GAS7: variants seen among roughly 807,000 people sequenced by gnomAD.
GAS7 encodes the protein growth arrest-specific protein 7.
A neutral mutation model predicts 71.1 loss-of-function variants in GAS7; 28 were observed. The ratio of observed to expected loss-of-function variants is 0.39; its 90% confidence interval spans 0.29 to 0.54. The LOEUF is 0.54. Ranked by LOEUF, GAS7 falls within the 20% of genes least tolerant of loss-of-function variation. GAS7 has a pLI of 0.62. For missense variants in GAS7, 436 were observed against 627.8 expected (o/e 0.69, Z 3.27); for synonymous variants, 258 against 245.8 (o/e 1.05, Z -0.46).
At chr17:9,992,606 AATTT>A (rs1406226319) in intron 2 of GAS7, among the ~76,000 whole-genome samples, 12 of 149,746 alleles carry the variant, frequency 8.0e-5, no homozygotes, top group African/African-American at 2.7e-4. Context: ...TTAATTAATT[AATTT>A]ATTATTATTA....
chr17:9,965,811 G>A (rs2069684006), intron 4 of GAS7, among the ~76,000 whole-genome samples: 1 of 152,130 alleles, frequency 6.6e-6, no homozygotes, highest in Non-Finnish European at 1.5e-5. Flanking sequence ...GGTGGCACCA[G>A]ATCACCACCT....
At chr17:10,196,438 G>A (rs529565802) in intron 1 of GAS7, among the ~76,000 whole-genome samples, 1 of 152,200 alleles carries the variant, frequency 6.6e-6, no homozygotes, top group South Asian at 2.1e-4. Context: ...TCTGTTGCAA[G>A]TTACTAGTCA....
At chr17:10,153,264 G>A (rs2074181108) in intron 1 of GAS7, among the ~76,000 whole-genome samples, 2 of 151,902 alleles carry the variant, frequency 1.3e-5, no homozygotes, top group South Asian at 2.1e-4. Flanking sequence ...CACTTTGGGA[G>A]CCCGAGGTAG....
intron 1 of GAS7, among the ~76,000 whole-genome samples, chr17:10,166,097 A>G (rs1597830718): frequency 6.6e-6 from 1 of 150,384 alleles, no homozygotes; most frequent in African/African-American, 2.5e-5. Context: ...ATCCTAGCTC[A>G]CTGCAGCCTC....
At chr17:10,128,706 G>A (rs1318704043) in intron 1 of GAS7, among the ~76,000 whole-genome samples, 4 of 148,026 alleles carry the variant, frequency 2.7e-5, no homozygotes, top group African/African-American at 7.5e-5. Flanking sequence ...TGCAAGCTCC[G>A]CCTCCCGGGT....
intron 2 of GAS7, among the ~76,000 whole-genome samples, chr17:9,993,644 A>G (rs1329997730): frequency 2.7e-5 from 4 of 150,620 alleles, no homozygotes; most frequent in East Asian, 3.9e-4. Context: ...CTCTCTCACC[A>G]CTCCTATTCA....
chr17:10,192,554 A>G (rs35376838), intron 1 of GAS7, among the ~76,000 whole-genome samples: 6,495 of 152,278 alleles, frequency 0.043, 198 homozygotes, highest in Non-Finnish European at 0.066. Context: ...CCTCTCATTC[A>G]TGTTTCTAGG....
Position 9,926,898 on chromosome 17 carries a change from G to C in GAS7, c.886-129C>G, listed in dbSNP as rs1304054284. On this transcript the variant is annotated intron_variant, in intron 9 of 13. Transcript: ENST00000432992. This position sits in a 1 kb window ranked among gnomAD's most constrained non-coding sequence, Gnocchi z 5.0. ...AGGATGAGTCTGGGGTAGCGACCTGGCAGGAAGGTGAGAGACACCCCCTGA... is the reference window on the plus strand; with the variant it reads ...AGGATGAGTCTGGGGTAGCGACCTGCCAGGAAGGTGAGAGACACCCCCTGA... 2.1e-6 allele frequency: 2 copies of C among 951,686 alleles called. No individual in the cohort carries two copies. Among genetic ancestry groups the C allele is most frequent in the African/African-American group, 3.2e-5 (2 of 61,986 alleles). 59.0% of individuals were successfully genotyped at this position (951,686 alleles called of 1,614,324 possible). A position where few individuals can be genotyped will look rare whatever the true frequency, so the allele number is the denominator to read the frequency against.
At chr17:10,097,814 C>T (rs929772132) in intron 1 of GAS7, among the ~76,000 whole-genome samples, 2 of 152,040 alleles carry the variant, frequency 1.3e-5, no homozygotes, top group Admixed American at 6.5e-5. Context: ...GAGGCCGAGG[C>T]GGGCAGATCA....
chr17:9,947,077 T>A, intron 5 of GAS7, 94 bp from the exon 6 acceptor site: 2 of 784,002 alleles, frequency 2.6e-6, no homozygotes, highest in East Asian at 5.3e-5. Flanking sequence ...TGGAGCAGCC[T>A]CCCTATTGAC....
chr17:10,082,152 C>T (rs964438341), intron 1 of GAS7, among the ~76,000 whole-genome samples: 1 of 152,182 alleles, frequency 6.6e-6, no homozygotes, highest in African/African-American at 2.4e-5. Context: ...TGGCACATCT[C>T]ATGTAAGTTT....
chr17:10,190,849 C>CAA (rs199548142), intron 1 of GAS7, among the ~76,000 whole-genome samples: 1 of 136,580 alleles, frequency 7.3e-6, no homozygotes, highest in Non-Finnish European at 1.6e-5. Context: ...ATATATCTCA[C>CAA]AAAAAAAAAA....
At chr17:10,066,051 G>A (rs577421199) in intron 1 of GAS7, among the ~76,000 whole-genome samples, 2 of 152,244 alleles carry the variant, frequency 1.3e-5, no homozygotes, top group South Asian at 4.1e-4. Context: ...ATAAGATGAA[G>A]GGAATTACAG....
At chr17:10,096,478 G>C (rs2073642044) in intron 1 of GAS7, among the ~76,000 whole-genome samples, 1 of 152,158 alleles carries the variant, frequency 6.6e-6, no homozygotes, top group Admixed American at 6.5e-5. Flanking sequence ...GTTGTGGTAA[G>C]CCAATGAGGA....
chr17:10,122,997 G>C (rs1413237075), intron 1 of GAS7, among the ~76,000 whole-genome samples: 2 of 152,020 alleles, frequency 1.3e-5, no homozygotes, highest in Non-Finnish European at 2.9e-5. Flanking sequence ...ACGCCTGGCT[G>C]ATTTTTTTAG....
chr17:9,945,599 T>C (rs780626138), intron 6 of GAS7, among the ~76,000 whole-genome samples: 1 of 151,960 alleles, frequency 6.6e-6, no homozygotes, highest in Non-Finnish European at 1.5e-5. Context: ...GATCTTTGTA[T>C]ATCTTCTAAG....
intron 2 of GAS7, among the ~76,000 whole-genome samples, chr17:9,996,569 A>T (rs2071052490): frequency 6.9e-6 from 1 of 145,108 alleles, no homozygotes. Flanking sequence ...TATAATTTAA[A>T]AAAAAAAAAA....
chr17:9,973,456 G>C (rs755667571), intron 3 of GAS7, among the ~76,000 whole-genome samples: 3 of 152,074 alleles, frequency 2.0e-5, no homozygotes, highest in Non-Finnish European at 2.9e-5. Context: ...GTTTCACTAT[G>C]TTGACCAGGC....
chr17:9,930,234 A>G (rs900902580), intron 9 of GAS7, among the ~76,000 whole-genome samples: 1 of 152,236 alleles, frequency 6.6e-6, no homozygotes, highest in Non-Finnish European at 1.5e-5. Flanking sequence ...CTGTGTGCAG[A>G]TATCGGAGTG....
Sources: allele counts gnomAD v4.1 joint callset (sites outside exome capture counted in the v4.1 genomes callset), GRCh38; gene constraint gnomAD v4.1.1; non-coding constraint Gnocchi (gnomAD v3.1); transcripts MANE v1.5; gene names NCBI Gene and HGNC (gene_info 2026-07-23, HGNC 2026-07-21).